DNAJA1: variants seen among roughly 807,000 people sequenced by gnomAD.
DNAJA1 encodes the protein dnaJ homolog subfamily A member 1.
Under a neutral mutation model 47.6 loss-of-function variants are expected in DNAJA1, and 26 were observed. The observed-to-expected ratio is 0.55, with a 90% CI of 0.40 to 0.76. The LOEUF (loss-of-function observed/expected upper bound fraction) is 0.76. Among genes scored for constraint, DNAJA1 ranks in the 30% least tolerant of loss-of-function variants. DNAJA1 has a pLI of 0.00. For missense variants in DNAJA1, 315 were observed against 485.0 expected, an observed-to-expected ratio of 0.65 and a Z score of 3.29; for synonymous variants, 165 against 158.4, an observed-to-expected ratio of 1.04 and a Z score of -0.31.
chr9:33,027,929 G>A (rs1838898991), intron 3 of DNAJA1, among the ~76,000 whole-genome samples: 1 of 150,220 alleles, frequency 6.7e-6, no homozygotes, highest in South Asian at 2.1e-4. Flanking sequence ...GAGGGCTGAA[G>A]CAGGAGAGTC....
chr9:33,038,793 G>C lies in DNAJA1; in HGVS notation c.1084G>C (p.Glu362Gln). 1 of 1,614,140 alleles carries C rather than the reference G, an allele frequency of 6.2e-7. No individual in the cohort carries two copies. The highest frequency in any genetic ancestry group is 2.2e-5 in the East Asian group (1 of 44,874). The part of the protein sequence containing the change: ...VEETDEMDQV[E>Q]LVDFDPNQER... The stretch of plus-strand genomic sequence containing the variant: ...AGAGACTGATGAGATGGACCAAGTA[G>C]AACTGGTGGACTTTGATCCAAATCA... The change falls in exon 9 of 9, where the codon GAA becomes CAA. Residue 362 changes from glutamate to glutamine, a missense_variant. By Grantham distance (29) the Glu-to-Gln change is conservative (BLOSUM62 2). Coordinates refer to ENST00000330899, the MANE Select transcript of DNAJA1 (RefSeq NM_001539.4).
intron 3 of DNAJA1, among the ~76,000 whole-genome samples, chr9:33,027,999 T>C (rs1033262843): frequency 8.0e-6 from 1 of 124,798 alleles, no homozygotes; most frequent in Non-Finnish European, 1.6e-5. Context: ...CACTCCAGCC[T>C]GAGCAACACA....
rs750154788 is a variant in DNAJA1, at chr9:33,026,879, G to A, written c.199G>A (p.Gly67Arg). The A allele has an allele frequency of 1.2e-6, 2 of 1,614,184 alleles. No homozygotes were observed. The highest frequency in any genetic ancestry group is 1.3e-5 in the African/African-American group (1 of 75,034). ...DAKKRELYDK[G>R]GEQAIKEGGA... Reference sequence around the variant, plus strand: ...AAAGAAAAGGGAATTATATGACAAAGGAGGAGAACAGGCAATTAAAGAGGG... The same window carrying A: ...AAAGAAAAGGGAATTATATGACAAAAGAGGAGAACAGGCAATTAAAGAGGG... The change falls in exon 3 of 9, where the codon GGA becomes AGA. Residue 67 changes from glycine (G) to arginine (R), a missense_variant. Physicochemically the swap from Gly to Arg is moderately radical, Grantham distance 125. Around this residue, in one of 4 missense-constraint regions of DNAJA1, gnomAD observed 100 missense variants for 163.0 expected, o/e 0.61. Transcript: ENST00000330899.
intron 6 of DNAJA1, among the ~76,000 whole-genome samples, chr9:33,034,826 A>G (rs1839009814): frequency 6.6e-6 from 1 of 152,196 alleles, no homozygotes; most frequent in African/African-American, 2.4e-5. Context: ...AAGATGGATG[A>G]TTAACAGCAA....
intron 3 of DNAJA1, 148 bp downstream of exon 3, chr9:33,027,138 TG>T: frequency 1.0e-6 from 1 of 957,664 alleles, no homozygotes; most frequent in Non-Finnish European, 1.5e-6. Context: ...TATGGTGTCG[TG>T]TTTTTTTGTT....
In DNAJA1 at chr9:33,039,280, T is replaced by TA. The variant is rs1839082419; in HGVS notation, c.*377_*378insA. 1 of 181,860 alleles carries TA rather than the reference T, an allele frequency of 5.5e-6. No individual in the cohort carries two copies. The highest frequency in any genetic ancestry group is 1.5e-4 in the East Asian group (1 of 6,782). 11.3% of individuals were successfully genotyped at this position (181,860 alleles called of 1,614,324 possible). On this transcript the variant is annotated 3_prime_UTR_variant, in exon 9 of 9. Transcript: ENST00000330899. The stretch of plus-strand genomic sequence containing the variant: ...AAGCTATGAAAGTAAAACTCTGTAT[T>TA]TAACTGGCAATGAGGAAAAAAAAAT...
chr9:33,026,104 C>T (rs1467493030), intron 1 of DNAJA1, among the ~76,000 whole-genome samples: 3 of 152,194 alleles, frequency 2.0e-5, no homozygotes, highest in Non-Finnish European at 4.4e-5. Context: ...TTGCCAAAGA[C>T]AGTGATAGTG....
chr9:33,026,378 T>A, intron 1 of DNAJA1, 97 bp from the exon 2 acceptor site: 2 of 1,349,536 alleles, frequency 1.5e-6, no homozygotes, highest in Non-Finnish European at 2.0e-6. Flanking sequence ...GGTGTTCTTA[T>A]AATCGGATTT....
At chr9:33,026,650 AGTT>A in intron 2 of DNAJA1, 34 bp downstream of exon 2, 1 of 1,585,498 alleles carries the variant, frequency 6.3e-7, no homozygotes. Flanking sequence ...GTATCTGAAT[AGTT>A]CTTTGCCAGA....
intron 1 of DNAJA1, 60 bp from the exon 2 acceptor site, chr9:33,026,415 C>T: frequency 3.2e-6 from 5 of 1,562,860 alleles, no homozygotes; most frequent in East Asian, 2.3e-5. Flanking sequence ...GGCCTTAGCT[C>T]TCTTTTTTAT....
In DNAJA1 at chr9:33,038,750, C is replaced by T. The variant is rs778896977; in HGVS notation, c.1041C>T (p.Pro347=). The T allele has an allele frequency of 2.1e-5, 34 of 1,613,942 alleles. No individual in the cohort carries two copies. Among genetic ancestry groups the T allele is most frequent in the Middle Eastern group, 1.6e-4 (1 of 6,084 alleles). Residue 347 remains proline (P), a synonymous_variant, in exon 9 of 9, where the codon CCC becomes CCT. Transcript: ENST00000330899. ...TGTCTTTGCTGGAAAAACTCCTACC[C>T]GAGAGGAAGGAAGTGGAAGAGACTG... ...DKLSLLEKLL[P]ERKEVEETDE...
chr9:33,037,017 C>G lies in DNAJA1; in HGVS notation c.877C>G (p.Gln293Glu). 6.2e-7 allele frequency: 1 copy of G among 1,604,476 alleles called. No homozygotes were observed. The change falls in exon 8 of 9, where the codon CAG becomes GAG. Residue 293 changes from glutamine (Q) to glutamate (E), a missense_variant and splice_region_variant. By Grantham distance (29) the Gln-to-Glu change is conservative. This residue lies in a region of DNAJA1 where 162 missense variants were observed against 185.4 expected (regional missense o/e 0.87). Transcript: ENST00000330899. ...GAACTTGGCTTCAATGTTTTTAGGT[C>G]AGATTGTCAAGCATGGAGATATCAA... ...RTIVITSHPG[Q>E]IVKHGDIKCV...
chr9:33,031,443 T>A (rs1392362824), intron 5 of DNAJA1, among the ~76,000 whole-genome samples: 1 of 152,112 alleles, frequency 6.6e-6, no homozygotes, highest in Non-Finnish European at 1.5e-5. Context: ...TTTGTTTGTT[T>A]TTTTCTGAGG....
chr9:33,036,916 C>A, intron 7 of DNAJA1, 99 bp from the exon 8 acceptor site: 2 of 1,118,852 alleles, frequency 1.8e-6, no homozygotes, highest in Non-Finnish European at 2.6e-6. Flanking sequence ...GTAAGTTTTA[C>A]TCCTGCCAAT....
chr9:33,033,719 T>A (rs949777360), intron 5 of DNAJA1, among the ~76,000 whole-genome samples: 1 of 152,192 alleles, frequency 6.6e-6, no homozygotes, highest in African/African-American at 2.4e-5. Flanking sequence ...AAAATTTTTT[T>A]AGTTTTATAT....
chr9:33,036,465 T>G, intron 6 of DNAJA1, 109 bp from the exon 7 acceptor site: 1 of 613,530 alleles, frequency 1.6e-6, no homozygotes, highest in Admixed American at 3.2e-5. Context: ...AAGAAAAGGG[T>G]GTCTTTGTAA....
At chr9:33,032,547 A>G in intron 5 of DNAJA1, among the ~76,000 whole-genome samples, 1 of 152,264 alleles carries the variant, frequency 6.6e-6, no homozygotes, top group East Asian at 1.9e-4. Context: ...GCAATTTCCA[A>G]GAACCTATCA....
chr9:33,035,689 G>A (rs567429407), intron 6 of DNAJA1, among the ~76,000 whole-genome samples: 3 of 151,744 alleles, frequency 2.0e-5, no homozygotes, highest in Admixed American at 1.3e-4. Flanking sequence ...GGCTGGTATC[G>A]AACTCCTGAC....
At chr9:33,038,152 C>T (rs1839064300) in intron 8 of DNAJA1, among the ~76,000 whole-genome samples, 1 of 151,926 alleles carries the variant, frequency 6.6e-6, no homozygotes, top group African/African-American at 2.4e-5. Context: ...ATACAGGTGC[C>T]CGCCACCACG....
Sources: gnomAD v4.1 joint callset for allele counts (sites outside exome capture counted in the v4.1 genomes callset) on GRCh38, gnomAD v4.1.1 for gene constraint, gnomAD v4.1.1 regional missense constraint, MANE v1.5 for transcripts, NCBI Gene and HGNC (gene_info 2026-07-23, HGNC 2026-07-21) for gene names.